The following PANK2 variants were observed in gnomAD, a reference collection of about 807,000 sequenced individuals.
PANK2 encodes pantothenate kinase 2.
PANK2 carries 36 observed loss-of-function variants against 43.1 expected under a neutral mutation model. The ratio of observed to expected loss-of-function variants is 0.84; its 90% CI spans 0.64 to 1.10. PANK2 has a LOEUF of 1.10. Among genes scored for constraint, PANK2 ranks in the 50% least tolerant of loss-of-function variants. The pLI is 0.00. For missense variants in PANK2, 576 were observed against 593.3 expected (o/e 0.97, Z 0.30); for synonymous variants, 281 against 238.2 (o/e 1.18, Z -1.66).
At chr20:3,889,262 G>A (rs745410943), upstream of PANK2, 2 of 1,612,198 alleles carry the variant, frequency 1.2e-6, no homozygotes, top group East Asian at 2.2e-5. Flanking sequence ...ACGGAGGCAC[G>A]GTCAATCCTC....
At chr20:3,906,720 T>C (rs1036677348) in intron 1 of PANK2, among the ~76,000 whole-genome samples, 1 of 152,202 alleles carries the variant, frequency 6.6e-6, no homozygotes, top group Non-Finnish European at 1.5e-5. Context: ...CCATTGTAAA[T>C]TTGAAAAATC....
At chr20:3,891,170 C>A (rs2090117051) in intron 1 of PANK2, 2 of 152,200 alleles carry the variant, frequency 1.3e-5, no homozygotes, top group African/African-American at 4.8e-5. Context: ...CTGCTTCAAC[C>A]TCCTGCATTG....
At chr20:3,916,302 A>G (rs2090558932) in intron 4 of PANK2, among the ~76,000 whole-genome samples, 2 of 151,802 alleles carry the variant, frequency 1.3e-5, no homozygotes, top group South Asian at 4.1e-4. Context: ...GAAAAATCAT[A>G]TGTATACATG....
chr20:3,918,660 G>A lies in PANK2; in HGVS notation c.1207-11G>A. ...AGATGAAAACTAATTGCCTTTTTTT[G>A]GTGTGCTCAGAACATTAACCAGGTG... On this transcript the variant is annotated splice_polypyrimidine_tract_variant and intron_variant, in intron 5 of 6. Transcript: ENST00000610179. 6.2e-7 allele frequency: 1 copy of A among 1,613,720 alleles called. No homozygotes were observed. Among genetic ancestry groups the A allele is most frequent in the Non-Finnish European group, 8.5e-7 (1 of 1,179,850 alleles).
At chr20:3,910,053 G>A (rs562805113) in intron 2 of PANK2, among the ~76,000 whole-genome samples, 13 of 152,240 alleles carry the variant, frequency 8.5e-5, no homozygotes, top group Admixed American at 3.3e-4. Context: ...TTTAGATAGT[G>A]AAAAAAATCT....
intron 1 of PANK2, among the ~76,000 whole-genome samples, chr20:3,890,276 A>G (rs1402407837): frequency 6.6e-6 from 1 of 152,112 alleles, no homozygotes; most frequent in Non-Finnish European, 1.5e-5. Context: ...AATCCAGGTC[A>G]TCTCTCACCC....
rs1175796894 is a variant in PANK2, at chr20:3,901,559, G to A, written c.299-6367G>A. 1.1e-5 allele frequency: 11 copies of A among 960,400 alleles called. 1 individual carries two copies. The highest frequency in any genetic ancestry group is 1.1e-5 in the Non-Finnish European group (9 of 807,904). 59.5% of individuals were successfully genotyped at this position (960,400 alleles called of 1,614,324 possible). A position where few individuals can be genotyped will look rare whatever the true frequency, so the allele number is the denominator to read the frequency against. On this transcript the variant is annotated intron_variant, in intron 1 of 6. Transcript: ENST00000610179. Reference sequence around the variant, plus strand: ...CCTTTTCCAACAAGACAGAACTGCTGCTTGCTTTCATTTCCTTCTCCCTTC... The same window carrying A: ...CCTTTTCCAACAAGACAGAACTGCTACTTGCTTTCATTTCCTTCTCCCTTC...
upstream of PANK2, chr20:3,888,864 C>T (rs904967630): frequency 6.2e-6 from 3 of 486,390 alleles, no homozygotes; most frequent in Non-Finnish European, 7.3e-6. Flanking sequence ...CTGGCGGCCT[C>T]GACGGCAGCT....
chr20:3,917,392 G>C, intron 5 of PANK2: 1 of 531,410 alleles, frequency 1.9e-6, no homozygotes, highest in Non-Finnish European at 3.9e-6. Context: ...GAGCTCTAGA[G>C]GCCCTAGGGA....
rs954011674 is a variant in PANK2 at position 3,923,135 on chromosome 20, G to A, written c.1333-109G>A. The A allele has an allele frequency of 6.6e-5, 84 of 1,265,030 alleles. 1 individual carries two copies. The highest frequency in any genetic ancestry group is 3.0e-4 in the Admixed American group (18 of 59,518). The allele number at this position is 1,265,030 out of a possible 1,614,324, so 78.4% of individuals were successfully genotyped here. A position where few individuals can be genotyped will look rare whatever the true frequency, so the allele number is the denominator to read the frequency against. On this transcript the variant is annotated intron_variant, in intron 6 of 6. Coordinates refer to ENST00000610179, the MANE Select transcript of PANK2 (RefSeq NM_001386393.1). Reference sequence around the variant, plus strand: ...GCCCTTCTGGGGTGCTCAGGAAATGGGTATGCTGTGTGTGGGCAGTGGTTG... The same window carrying A: ...GCCCTTCTGGGGTGCTCAGGAAATGAGTATGCTGTGTGTGGGCAGTGGTTG...
chr20:3,894,574 TTTTA>T (rs554354693), intron 1 of PANK2, among the ~76,000 whole-genome samples: 1 of 150,966 alleles, frequency 6.6e-6, no homozygotes, highest in South Asian at 2.1e-4. Context: ...TTTATCAACT[TTTTA>T]TTTATTTATT....
chr20:3,902,683 A>G (rs1380749240), intron 1 of PANK2, among the ~76,000 whole-genome samples: 2 of 151,302 alleles, frequency 1.3e-5, no homozygotes, highest in Non-Finnish European at 2.9e-5. Flanking sequence ...GGCCTCCCAA[A>G]ATGCTAGGAT....
chr20:3,928,402 C>T lies in PANK2; in HGVS notation c.*5108C>T, dbSNP rs1016177601. ...AGGCACAAGTCTGTGCCCCTACTCC[C>T]AGGGCTGCCTGGAGGAAGCAGCTCT... is the stretch of plus-strand genomic sequence containing the variant. On this transcript the variant is annotated 3_prime_UTR_variant, in exon 7 of 7. Transcript: ENST00000610179. 17 of 152,178 alleles carry T rather than the reference C, an allele frequency of 1.1e-4. No individual in the cohort carries two copies. The highest frequency in any genetic ancestry group is 3.9e-4 in the African/African-American group (16 of 41,434). The allele number at this position is 152,178 out of a possible 1,614,324, so 9.4% of individuals were successfully genotyped here.
intron 1 of PANK2, among the ~76,000 whole-genome samples, chr20:3,902,641 G>GAT (rs2090320178): frequency 6.7e-6 from 1 of 149,966 alleles, no homozygotes; most frequent in Non-Finnish European, 1.5e-5. Context: ...GGCTGATCTT[G>GAT]GACTCCTGGC....
intron 1 of PANK2, chr20:3,901,619 T>G: frequency 3.1e-6 from 3 of 980,012 alleles, no homozygotes; most frequent in Non-Finnish European, 3.6e-6. Context: ...CGAAATCATG[T>G]AAGTATTTTA....
chr20:3,911,896 A>G (rs2090474227), intron 3 of PANK2, among the ~76,000 whole-genome samples: 1 of 152,206 alleles, frequency 6.6e-6, no homozygotes, highest in Admixed American at 6.5e-5. Context: ...ATCTCAAAAA[A>G]AAAAAATGAG....
intron 1 of PANK2, among the ~76,000 whole-genome samples, chr20:3,893,143 C>T (rs1346460491): frequency 6.6e-6 from 1 of 152,066 alleles, no homozygotes; most frequent in Non-Finnish European, 1.5e-5. Context: ...TTTTTATCCC[C>T]AATTTCCAGA....
intron 5 of PANK2, among the ~76,000 whole-genome samples, chr20:3,917,905 C>T (rs2090587591): frequency 6.6e-6 from 1 of 152,126 alleles, no homozygotes. Context: ...GTATTTTATA[C>T]TTAAATATAC....
intron 6 of PANK2, among the ~76,000 whole-genome samples, chr20:3,919,960 A>C (rs1372644681): frequency 3.9e-5 from 6 of 152,230 alleles, no homozygotes; most frequent in Admixed American, 3.9e-4. Context: ...CCCATATCAA[A>C]AAGCTTAAAA....
Sources: allele counts gnomAD v4.1 joint callset (sites outside exome capture counted in the v4.1 genomes callset), GRCh38; gene constraint gnomAD v4.1.1; transcripts MANE v1.5; gene names NCBI Gene and HGNC (gene_info 2026-07-23, HGNC 2026-07-21).